UST: variants seen among roughly 807,000 people sequenced by gnomAD.
UST encodes uronyl 2-sulfotransferase.
Under a neutral mutation model 45.6 loss-of-function variants are expected in UST, and 21 were observed. That is an observed-to-expected ratio of 0.46 (90% CI 0.33 to 0.66). The LOEUF (loss-of-function observed/expected upper bound fraction) is 0.66. Ranked by LOEUF, UST falls within the 30% of genes least tolerant of loss-of-function variation. The pLI is 0.02. For missense variants in UST, 463 were observed against 512.4 expected (o/e 0.90, Z 0.93); for synonymous variants, 215 against 200.6 (o/e 1.07, Z -0.61).
intron 1 of UST, among the ~76,000 whole-genome samples, chr6:148,879,546 G>A (rs1176789514): frequency 6.6e-6 from 1 of 152,196 alleles, no homozygotes; most frequent in Admixed American, 6.5e-5. Flanking sequence ...GAATCGCTAA[G>A]GCTGGGCCCT....
chr6:149,060,457 C>G (rs1007814868), intron 7 of UST, among the ~76,000 whole-genome samples: 1 of 152,284 alleles, frequency 6.6e-6, no homozygotes, highest in South Asian at 2.1e-4. Flanking sequence ...TGGAGGCAGC[C>G]CTAGGGAGTC....
chr6:148,768,951 C>T (rs1189113085), intron 1 of UST, among the ~76,000 whole-genome samples: 1 of 152,246 alleles, frequency 6.6e-6, no homozygotes, highest in Non-Finnish European at 1.5e-5. Context: ...TTTGTCCCCA[C>T]ATCTGTGGAA....
In UST at chr6:148,747,605, T is replaced by C; in HGVS notation, c.175T>C (p.Cys59Arg). The C allele has an allele frequency of 1.2e-6, 2 of 1,601,748 alleles. No individual in the cohort carries two copies. Among genetic ancestry groups the C allele is most frequent in the Non-Finnish European group, 1.7e-6 (2 of 1,175,386 alleles). The stretch of plus-strand genomic sequence containing the variant: ...CTGCATGGCCACCCTGCTGGTCTTC[T>C]GCCTGGGCTCCCTCCTCTATCAGCT... ...GFCMATLLVF[C>R]LGSLLYQLSG... Residue 59 changes from cysteine (C) to arginine (R), a missense_variant, in exon 1 of 8, where the codon TGC becomes CGC. Transcript: ENST00000367463.
chr6:148,840,926 C>G (rs764374975), intron 1 of UST, among the ~76,000 whole-genome samples: 5 of 151,966 alleles, frequency 3.3e-5, no homozygotes, highest in Non-Finnish European at 7.4e-5. Flanking sequence ...GGTGGTCGCA[C>G]AGCTTGGTGT....
rs549981409 is a variant in UST at position 148,940,324 on chromosome 6, C to CAA, written c.292-942_292-941dup. On this transcript the variant is annotated intron_variant, in intron 2 of 7. Transcript: ENST00000367463. ...CAACATGGTGAAACCCTGTCTCTAC[C>CAA]AAAAAAAAAAAAAATTACAAAAATT... Among the ~76,000 whole-genome samples the CAA allele has an allele frequency of 7.0e-3, 978 of 140,534 alleles. 7 individuals are homozygous for CAA. The highest frequency in any genetic ancestry group is 0.025 in the Middle Eastern group (7 of 280). The allele number at this position is 140,534 out of a possible 152,430, so 92.2% of individuals were successfully genotyped here.
intron 1 of UST, among the ~76,000 whole-genome samples, chr6:148,801,489 TTTTC>T (rs1277806053): frequency 6.6e-6 from 1 of 152,170 alleles, no homozygotes; most frequent in Non-Finnish European, 1.5e-5. Flanking sequence ...GATTTTTCTT[TTTTC>T]TTTCTTTCTT....
At position 149,017,946 on chromosome 6, in the gene UST, C is replaced by A. The variant is rs571912832; in HGVS notation, c.682-1193C>A. ...GCTCTTAATCACCCTCACCACATGG[C>A]TGGACAGACATATGCACCCCCCTAT... On this transcript the variant is annotated intron_variant, in intron 5 of 7. Transcript: ENST00000367463. Among the ~76,000 whole-genome samples, 123 of 152,200 alleles carry A rather than the reference C, an allele frequency of 8.1e-4. 1 individual carries two copies. Among genetic ancestry groups the A allele is most frequent in the Non-Finnish European group, 1.5e-3 (100 of 68,022 alleles).
intron 5 of UST, among the ~76,000 whole-genome samples, chr6:148,971,981 C>T (rs1404349274): frequency 6.6e-6 from 1 of 152,158 alleles, no homozygotes; most frequent in African/African-American, 2.4e-5. Flanking sequence ...TTTTATGGGA[C>T]ATCAACCATG....
At chr6:148,935,390 A>C (rs748000538) in intron 2 of UST, among the ~76,000 whole-genome samples, 1 of 152,178 alleles carries the variant, frequency 6.6e-6, no homozygotes, top group Non-Finnish European at 1.5e-5. Context: ...GAGGAGTTTC[A>C]TGTGTACTTC....
chr6:149,003,870 C>T (rs2500532), intron 5 of UST, among the ~76,000 whole-genome samples: 44,213 of 152,086 alleles, frequency 0.29, 6,624 homozygotes, highest in African/African-American at 0.37. Context: ...GCCAGGCTGG[C>T]GTCCCCAGCA....
chr6:149,045,521 TGGCGCTCACCAGGAA>T (rs1435197826), intron 7 of UST, among the ~76,000 whole-genome samples: 1 of 152,184 alleles, frequency 6.6e-6, no homozygotes, highest in Non-Finnish European at 1.5e-5. Flanking sequence ...AGGACATGGA[TGGCGCTCACCAGGAA>T]GTGTGTGTGG....
intron 1 of UST, among the ~76,000 whole-genome samples, chr6:148,750,323 G>A (rs936076736): frequency 2.0e-5 from 3 of 152,068 alleles, no homozygotes; most frequent in Admixed American, 6.5e-5. Context: ...GATATTTAAC[G>A]TACTGAATAT....
chr6:148,895,301 A>C (rs1779105229), intron 2 of UST, among the ~76,000 whole-genome samples: 2 of 152,184 alleles, frequency 1.3e-5, no homozygotes, highest in East Asian at 1.9e-4. Context: ...CTTCTACACA[A>C]AAAACATATT....
At chr6:148,864,623 C>T (rs1778390050) in intron 1 of UST, among the ~76,000 whole-genome samples, 1 of 152,230 alleles carries the variant, frequency 6.6e-6, no homozygotes, top group Non-Finnish European at 1.5e-5. Flanking sequence ...ATTCATCCAT[C>T]TTGGAACTTC....
intron 1 of UST, among the ~76,000 whole-genome samples, chr6:148,885,914 C>T (rs1054210372): frequency 9.2e-5 from 14 of 152,338 alleles, no homozygotes; most frequent in African/African-American, 3.4e-4. Flanking sequence ...CAGTTCCGTT[C>T]CATGATTTTC....
intron 3 of UST, among the ~76,000 whole-genome samples, chr6:148,952,310 A>C (rs1780381437): frequency 6.6e-6 from 1 of 152,224 alleles, no homozygotes; most frequent in African/African-American, 2.4e-5. Flanking sequence ...TGTGTCGAGG[A>C]TAAACAGTAG....
chr6:148,871,618 G>T (rs1020136663), intron 1 of UST, among the ~76,000 whole-genome samples: 1 of 152,222 alleles, frequency 6.6e-6, no homozygotes, highest in Admixed American at 6.5e-5. Flanking sequence ...CTACATTAGT[G>T]TAGTAACCTT....
At chr6:148,957,663 G>A (rs1238165129) in intron 4 of UST, among the ~76,000 whole-genome samples, 1 of 152,180 alleles carries the variant, frequency 6.6e-6, no homozygotes, top group Non-Finnish European at 1.5e-5. Context: ...CAAAACTCAT[G>A]GCCTCAAGTG....
chr6:148,919,811 G>A (rs1420739139), intron 2 of UST, among the ~76,000 whole-genome samples: 1 of 152,108 alleles, frequency 6.6e-6, no homozygotes, highest in African/African-American at 2.4e-5. Context: ...ACTTTCCAGG[G>A]TGTTGCCAGG....
Sources: allele counts gnomAD v4.1 joint callset (sites outside exome capture counted in the v4.1 genomes callset), GRCh38; gene constraint gnomAD v4.1.1; transcripts MANE v1.5; gene names NCBI Gene and HGNC (gene_info 2026-07-23, HGNC 2026-07-21).